ZNF407: variants seen among roughly 807,000 people sequenced by gnomAD.
ZNF407 encodes zinc finger protein 407.
A neutral mutation model predicts 131.2 loss-of-function variants in ZNF407; 17 were observed. That is an observed-to-expected ratio of 0.13 (90% CI 0.09 to 0.19). The LOEUF (loss-of-function observed/expected upper bound fraction) is 0.19, where lower values mean the gene tolerates loss of function less well. ZNF407 is among the 10% of genes least tolerant of loss of function. The pLI, the probability that ZNF407 is intolerant of heterozygous loss-of-function variation, is 1.00. For missense variants in ZNF407, 2,681 were observed against 2,830.6 expected (o/e 0.95, Z 1.20); for synonymous variants, 1,156 against 1,062.0 (o/e 1.09, Z -1.72).
chr18:74,891,414 G>C (rs1370521012), intron 7 of ZNF407, among the ~76,000 whole-genome samples: 1 of 152,080 alleles, frequency 6.6e-6, no homozygotes. Context: ...TAAAAAGTTA[G>C]GTTTTTGTAT....
chr18:74,995,138 G>A (rs1972765313), intron 8 of ZNF407, among the ~76,000 whole-genome samples: 1 of 152,176 alleles, frequency 6.6e-6, no homozygotes, highest in Non-Finnish European at 1.5e-5. Flanking sequence ...ATCGAAGGCT[G>A]ACTTATATTT....
At chr18:74,746,653 C>T (rs1462651791) in intron 3 of ZNF407, among the ~76,000 whole-genome samples, 1 of 151,974 alleles carries the variant, frequency 6.6e-6, no homozygotes, top group Non-Finnish European at 1.5e-5. Context: ...TCCCCATCTT[C>T]CATCTCTGTA....
At chr18:75,039,570 C>G (rs1973348263) in intron 8 of ZNF407, among the ~76,000 whole-genome samples, 1 of 152,128 alleles carries the variant, frequency 6.6e-6, no homozygotes, top group Non-Finnish European at 1.5e-5. Flanking sequence ...ATTATCCACA[C>G]TGTTTCCATA....
intron 3 of ZNF407, among the ~76,000 whole-genome samples, chr18:74,738,187 C>T (rs919388247): frequency 4.0e-5 from 6 of 151,866 alleles, no homozygotes; most frequent in South Asian, 2.1e-4. Flanking sequence ...TTTGGGAGGC[C>T]GAGGCAGGCA....
chr18:74,849,386 G>T (rs1255719379), intron 4 of ZNF407, among the ~76,000 whole-genome samples: 2 of 151,598 alleles, frequency 1.3e-5, no homozygotes, highest in African/African-American at 4.8e-5. Flanking sequence ...CCGTTTCTTT[G>T]CTTTTCTAAG....
intron 1 of ZNF407, among the ~76,000 whole-genome samples, chr18:74,616,812 C>T (rs1276165599): frequency 2.3e-4 from 17 of 72,478 alleles, no homozygotes; most frequent in South Asian, 1.1e-3. Flanking sequence ...TCCATATCCA[C>T]ACACCACACG....
chr18:74,841,261 G>A (rs560374395), intron 4 of ZNF407, among the ~76,000 whole-genome samples: 55 of 152,276 alleles, frequency 3.6e-4, no homozygotes, highest in African/African-American at 1.2e-3. Flanking sequence ...AATGGGCCAC[G>A]GTGGAGGCTT....
chr18:74,607,441 A>G (rs1425501284), intron 1 of ZNF407, among the ~76,000 whole-genome samples: 4 of 151,972 alleles, frequency 2.6e-5, no homozygotes, highest in Admixed American at 2.6e-4. Context: ...CTTTAATTTT[A>G]TGTTAGAAAA....
In ZNF407 at chr18:74,702,909, C is replaced by T. The variant is rs566038562; in HGVS notation, c.4802+61787C>T. On this transcript the variant is annotated intron_variant, in intron 3 of 8. Coordinates refer to ENST00000299687, the MANE Select transcript of ZNF407 (RefSeq NM_017757.3). Reference sequence around the variant, plus strand: ...AAGAGGAGATATTTGGAACACAGGGCAAGAACAAGACCAAGTGGAACCCAC... The same window carrying T: ...AAGAGGAGATATTTGGAACACAGGGTAAGAACAAGACCAAGTGGAACCCAC... Among the ~76,000 whole-genome samples, 7 of 152,274 alleles carry T rather than the reference C, an allele frequency of 4.6e-5. No homozygotes were observed. In the South Asian group the frequency reaches 1.5e-3, roughly 32 times the overall value.
intron 8 of ZNF407, among the ~76,000 whole-genome samples, chr18:74,924,528 C>A (rs1258251301): frequency 1.3e-5 from 2 of 152,130 alleles, no homozygotes; most frequent in Admixed American, 6.5e-5. Flanking sequence ...TTGATTTGAT[C>A]TCTTCAGTTT....
intron 8 of ZNF407, among the ~76,000 whole-genome samples, chr18:75,044,285 A>G (rs1973407120): frequency 1.3e-5 from 2 of 151,910 alleles, no homozygotes; most frequent in Admixed American, 1.3e-4. Flanking sequence ...TCATGTGTTT[A>G]TCTATATGGA....
At chr18:74,746,368 A>C (rs7243213) in intron 3 of ZNF407, among the ~76,000 whole-genome samples, 1 of 151,932 alleles carries the variant, frequency 6.6e-6, no homozygotes, top group Non-Finnish European at 1.5e-5. Context: ...TTCAATTTAA[A>C]ATTTTTTCTT....
chr18:74,618,948 G>GAATTAC (rs1360408037), intron 1 of ZNF407, among the ~76,000 whole-genome samples: 9 of 152,138 alleles, frequency 5.9e-5, no homozygotes, highest in Non-Finnish European at 1.0e-4. Context: ...TTGGCATATA[G>GAATTAC]AATTACAGTG....
chr18:75,051,261 C>T (rs1223053490), intron 8 of ZNF407, among the ~76,000 whole-genome samples: 2 of 152,158 alleles, frequency 1.3e-5, no homozygotes. Context: ...AATGCTGTCA[C>T]TTAGGACCTA....
intron 3 of ZNF407, among the ~76,000 whole-genome samples, chr18:74,644,477 G>C (rs1180849504): frequency 6.6e-6 from 1 of 151,646 alleles, no homozygotes; most frequent in Non-Finnish European, 1.5e-5. Context: ...TCTTTCAGTA[G>C]TCAAAAACGT....
intron 8 of ZNF407, 107 bp downstream of exon 8, chr18:74,920,799 T>C: frequency 1.5e-6 from 2 of 1,376,008 alleles, no homozygotes; most frequent in South Asian, 4.2e-5. Context: ...TGGAGTAGAG[T>C]ATGTGATAGT....
intron 8 of ZNF407, among the ~76,000 whole-genome samples, chr18:74,988,275 AT>A (rs1972677020): frequency 6.6e-6 from 1 of 152,196 alleles, no homozygotes; most frequent in South Asian, 2.1e-4. Flanking sequence ...AAAAGCCTAA[AT>A]ATGAAAGTTA....
At chr18:74,725,758 C>A (rs1402691110) in intron 3 of ZNF407, among the ~76,000 whole-genome samples, 1 of 152,018 alleles carries the variant, frequency 6.6e-6, no homozygotes, top group Non-Finnish European at 1.5e-5. Flanking sequence ...TCATGTGTAG[C>A]TTGACATTTG....
At chr18:74,796,781 A>G (rs1969928140) in intron 4 of ZNF407, among the ~76,000 whole-genome samples, 1 of 152,176 alleles carries the variant, frequency 6.6e-6, no homozygotes, top group Non-Finnish European at 1.5e-5. Context: ...ACTGTAAAAC[A>G]TGGTGTCATC....
Sources: allele counts gnomAD v4.1 joint callset (sites outside exome capture counted in the v4.1 genomes callset), GRCh38; gene constraint gnomAD v4.1.1; transcripts MANE v1.5; gene names NCBI Gene and HGNC (gene_info 2026-07-23, HGNC 2026-07-21).